DIAPH3: variants seen among roughly 807,000 people sequenced by gnomAD.
The protein encoded by DIAPH3 is diaphanous related formin 3.
DIAPH3 carries 117 observed loss-of-function variants against 144.3 expected under a neutral mutation model. That is an observed-to-expected ratio of 0.81 (90% confidence interval 0.70 to 0.95). The LOEUF (loss-of-function observed/expected upper bound fraction) is 0.95, where lower values mean the gene tolerates loss of function less well. Among genes scored for constraint, DIAPH3 ranks in the 40% least tolerant of loss-of-function variants. The pLI, the probability that DIAPH3 is intolerant of heterozygous loss-of-function variation, is 0.00. For missense variants in DIAPH3, 1,421 were observed against 1,412.7 expected (o/e 1.01, Z -0.09); for synonymous variants, 519 against 488.9 (o/e 1.06, Z -0.81).
At chr13:59,766,693 A>G (rs2037877313) in intron 27 of DIAPH3, among the ~76,000 whole-genome samples, 1 of 152,164 alleles carries the variant, frequency 6.6e-6, no homozygotes, top group Admixed American at 6.5e-5. Context: ...AGCCTTTGTC[A>G]TATGAATGGC....
chr13:59,921,555 C>T (rs919692472), intron 18 of DIAPH3, among the ~76,000 whole-genome samples: 11 of 151,734 alleles, frequency 7.2e-5, no homozygotes, highest in African/African-American at 2.2e-4. Flanking sequence ...CCTGAATAAA[C>T]CAATAACCAG....
At chr13:59,953,237 C>T (rs1338133526) in intron 17 of DIAPH3, among the ~76,000 whole-genome samples, 1 of 152,026 alleles carries the variant, frequency 6.6e-6, no homozygotes, top group Non-Finnish European at 1.5e-5. Flanking sequence ...CAGGAGTATA[C>T]CTGGCATATC....
intron 23 of DIAPH3, among the ~76,000 whole-genome samples, chr13:59,833,651 T>G (rs1478620235): frequency 6.6e-6 from 1 of 151,800 alleles, no homozygotes; most frequent in Non-Finnish European, 1.5e-5. Flanking sequence ...GTACAAGCAT[T>G]AAACACAACA....
intron 27 of DIAPH3, among the ~76,000 whole-genome samples, chr13:59,742,383 A>C (rs1157014349): frequency 6.6e-6 from 1 of 152,108 alleles, no homozygotes; most frequent in Non-Finnish European, 1.5e-5. Flanking sequence ...ATAGTCAAGC[A>C]GATAAACTGT....
rs541324823 is a variant in DIAPH3, at chr13:59,670,740, G to A, written c.3320-3894C>T. ...TGGGACTACAGGCGCCCGCCACCAC[G>A]CCCGGCTAATTTTTTTGCATTTTTA... On this transcript the variant is annotated intron_variant, in intron 27 of 27. Coordinates refer to ENST00000400324, the MANE Select transcript of DIAPH3 (RefSeq NM_001042517.2). Among the ~76,000 whole-genome samples, 16 of 152,002 alleles carry A rather than the reference G, an allele frequency of 1.1e-4. No homozygotes were observed. In the South Asian group the frequency reaches 1.7e-3, roughly 16 times the overall value.
chr13:60,045,185 ACAAAATTAGCTGAGCAT>A (rs2055984777), intron 4 of DIAPH3, among the ~76,000 whole-genome samples: 2 of 152,034 alleles, frequency 1.3e-5, no homozygotes, highest in Non-Finnish European at 2.9e-5. Context: ...TACTAAAAGT[ACAAAATTAGCTGAGCAT>A]GGTGGCACAT....
chr13:59,949,223 T>C (rs1295158518), intron 17 of DIAPH3, among the ~76,000 whole-genome samples: 1 of 152,178 alleles, frequency 6.6e-6, no homozygotes, highest in Admixed American at 6.5e-5. Flanking sequence ...AAAGTTCAAT[T>C]TGATTAAATG....
chr13:59,945,203 G>C (rs1490491442), intron 17 of DIAPH3, among the ~76,000 whole-genome samples: 2 of 151,942 alleles, frequency 1.3e-5, no homozygotes, highest in Non-Finnish European at 2.9e-5. Context: ...ATGGATCCTA[G>C]ATCACAGATT....
chr13:59,816,544 A>T (rs1363775392), intron 24 of DIAPH3, among the ~76,000 whole-genome samples: 1 of 151,520 alleles, frequency 6.6e-6, no homozygotes, highest in Non-Finnish European at 1.5e-5. Context: ...TCTTTTTAGC[A>T]ATATATCTAA....
At chr13:59,831,618 T>C (rs904083476) in intron 24 of DIAPH3, among the ~76,000 whole-genome samples, 9 of 151,898 alleles carry the variant, frequency 5.9e-5, no homozygotes, top group Admixed American at 4.6e-4. Context: ...ATGGAGACAG[T>C]GTGGCCCAGG....
At chr13:60,102,394 C>A (rs2058295818) in intron 3 of DIAPH3, among the ~76,000 whole-genome samples, 1 of 152,174 alleles carries the variant, frequency 6.6e-6, no homozygotes, top group African/African-American at 2.4e-5. Flanking sequence ...TACTTGCTGC[C>A]TCTTTCACCG....
Position 59,970,996 on chromosome 13 carries a change from T to C in DIAPH3, c.1815A>G (p.Pro605=). 1.2e-6 allele frequency: 2 copies of C among 1,603,762 alleles called. No individual in the cohort carries two copies. The highest frequency in any genetic ancestry group is 1.7e-6 in the Non-Finnish European group (2 of 1,174,814). ...PPPPLPGMRM[P]FSGPVPPPPP... is the part of the protein sequence containing the mutation. Reference sequence around the variant, plus strand: ...GTGGTGGAGGCACAGGACCACTGAATGGCATCCGCATTCCTGGAAGTGGAG... The same window carrying C: ...GTGGTGGAGGCACAGGACCACTGAACGGCATCCGCATTCCTGGAAGTGGAG... Residue 605 remains proline (P), a synonymous_variant, in exon 16 of 28, where the codon CCA becomes CCG. Coordinates refer to ENST00000400324, the MANE Select transcript of DIAPH3 (RefSeq NM_001042517.2).
At chr13:59,752,602 C>T (rs2037066965) in intron 27 of DIAPH3, among the ~76,000 whole-genome samples, 1 of 152,064 alleles carries the variant, frequency 6.6e-6, no homozygotes, top group African/African-American at 2.4e-5. Flanking sequence ...CTCCTGGGCT[C>T]AAGCATCCCC....
intron 27 of DIAPH3, among the ~76,000 whole-genome samples, chr13:59,670,652 G>T (rs1274973386): frequency 2.0e-5 from 3 of 149,478 alleles, no homozygotes. Flanking sequence ...GCGGGATCTC[G>T]GCTCACTGCA....
intron 17 of DIAPH3, among the ~76,000 whole-genome samples, chr13:59,953,507 G>A (rs1298831096): frequency 2.0e-5 from 3 of 152,136 alleles, no homozygotes; most frequent in Admixed American, 6.6e-5. Context: ...GTCAGCCACA[G>A]CTCCCAGAAG....
chr13:59,952,755 C>T (rs971330472), intron 17 of DIAPH3, among the ~76,000 whole-genome samples: 2 of 152,098 alleles, frequency 1.3e-5, no homozygotes, highest in African/African-American at 4.8e-5. Flanking sequence ...TACTCCCCTT[C>T]CAAAATTTCC....
intron 21 of DIAPH3, among the ~76,000 whole-genome samples, chr13:59,872,982 A>G (rs2044370615): frequency 6.6e-6 from 1 of 152,234 alleles, no homozygotes; most frequent in South Asian, 2.1e-4. Flanking sequence ...CAGCAATTGA[A>G]TAACAAAGGT....
intron 21 of DIAPH3, among the ~76,000 whole-genome samples, chr13:59,867,296 TAAAAAA>T (rs201223028): frequency 5.3e-5 from 8 of 150,522 alleles, no homozygotes; most frequent in Admixed American, 2.0e-4. Context: ...ACCTGGCTCT[TAAAAAA>T]AACAACAAAA....
intron 24 of DIAPH3, among the ~76,000 whole-genome samples, chr13:59,818,466 C>A (rs1036671611): frequency 6.6e-5 from 10 of 151,552 alleles, no homozygotes; most frequent in African/African-American, 1.9e-4. Flanking sequence ...GGGGTCATAT[C>A]TTTTCTCTCT....
Sources: allele counts gnomAD v4.1 joint callset (sites outside exome capture counted in the v4.1 genomes callset), GRCh38; gene constraint gnomAD v4.1.1; transcripts MANE v1.5; gene names NCBI Gene and HGNC (gene_info 2026-07-23, HGNC 2026-07-21).